Variants in EBF1 observed in about 807,000 individuals in gnomAD.
EBF1 encodes transcription factor COE1.
EBF1 carries 10 observed loss-of-function variants against 68.4 expected under a neutral mutation model. The observed-to-expected ratio is 0.15, with a 90% CI of 0.09 to 0.25. The LOEUF (loss-of-function observed/expected upper bound fraction) is 0.25, where lower values mean the gene tolerates loss of function less well. Ranked by LOEUF, EBF1 falls within the 10% of genes least tolerant of loss-of-function variation. EBF1 has a pLI of 1.00. For synonymous variants in EBF1, 298 were observed against 299.8 expected (o/e 0.99, Z 0.06); for missense variants, 509 against 794.4 (o/e 0.64, Z 4.32).
chr5:159,024,781 T>C (rs1025702633), intron 6 of EBF1, among the ~76,000 whole-genome samples: 3 of 152,168 alleles, frequency 2.0e-5, no homozygotes, highest in African/African-American at 7.2e-5. Context: ...TAAGTAAGAG[T>C]GACCACTAAC....
chr5:158,983,867 C>A (rs1410073484), intron 6 of EBF1: 2 of 149,038 alleles, frequency 1.3e-5, no homozygotes, highest in African/African-American at 5.0e-5. Flanking sequence ...AGTACTTTAT[C>A]TGGGCAGATT....
chr5:158,954,020 A>G (rs185222592), intron 6 of EBF1, among the ~76,000 whole-genome samples: 61 of 152,326 alleles, frequency 4.0e-4, no homozygotes, highest in Non-Finnish European at 7.5e-4. Flanking sequence ...GATTTCACAC[A>G]ATGTTGTTAA....
intron 6 of EBF1, among the ~76,000 whole-genome samples, chr5:158,971,990 C>G (rs1755750958): frequency 6.6e-6 from 1 of 152,294 alleles, no homozygotes; most frequent in East Asian, 1.9e-4. Flanking sequence ...GAATAATAAA[C>G]TATTTCTTCC....
intron 12 of EBF1, 37 bp from the exon 13 acceptor site, chr5:158,713,184 C>T (rs1759838457): frequency 2.2e-6 from 3 of 1,364,030 alleles, no homozygotes; most frequent in East Asian, 2.7e-5. Context: ...CAGCTGCCCC[C>T]AGTCATATTC....
Position 159,051,428 on chromosome 5 carries a change from C to A in EBF1, c.554+21968G>T, listed in dbSNP as rs1171132574. 4.7e-3 allele frequency among the ~76,000 whole-genome samples: 622 copies of A among 132,378 alleles called. 14 individuals carry two copies. The highest frequency in any genetic ancestry group is 0.017 in the African/African-American group (585 of 34,870). 86.8% of individuals were successfully genotyped at this position (132,378 alleles called of 152,430 possible). ...TCCCTCCCCCTCCCCCCCGCTCCCG[C>A]AGCCCCCCACCCCCCCACCCCGCCG... is the stretch of plus-strand genomic sequence containing the variant. On this transcript the variant is annotated intron_variant, in intron 6 of 15. Transcript: ENST00000313708.
chr5:158,750,976 C>T (rs1768738002), intron 10 of EBF1, among the ~76,000 whole-genome samples: 3 of 151,980 alleles, frequency 2.0e-5, no homozygotes, highest in Non-Finnish European at 4.4e-5. Flanking sequence ...GGAGATGATG[C>T]AGCCTATTAA....
chr5:158,984,671 T>G (rs1207090733), intron 6 of EBF1: 1 of 149,912 alleles, frequency 6.7e-6, no homozygotes, highest in Non-Finnish European at 1.5e-5. Context: ...CTAACGACGC[T>G]GCTTTCTTCC....
In EBF1 at chr5:158,696,572, A is replaced by C; in HGVS notation, c.*2539T>G. On this transcript the variant is annotated 3_prime_UTR_variant, in exon 16 of 16. Coordinates refer to ENST00000313708, the MANE Select transcript of EBF1 (RefSeq NM_024007.5). Reference sequence around the variant, plus strand: ...CTTCAGGCCAGCGCTTACCACGCAAATTCAGATAACCTTTCTGAGTACCGA... The same window carrying C: ...CTTCAGGCCAGCGCTTACCACGCAACTTCAGATAACCTTTCTGAGTACCGA... The C allele has an allele frequency of 4.5e-6, 1 of 223,482 alleles. No individual in the cohort carries two copies. The highest frequency in any genetic ancestry group is 6.4e-5 in the East Asian group (1 of 15,682). The allele number at this position is 223,482 out of a possible 1,614,324, so 13.8% of individuals were successfully genotyped here. A position where few individuals can be genotyped will look rare whatever the true frequency, so the allele number is the denominator to read the frequency against.
intron 6 of EBF1, among the ~76,000 whole-genome samples, chr5:159,007,841 T>C (rs1763868448): frequency 6.6e-6 from 1 of 152,208 alleles, no homozygotes; most frequent in Admixed American, 6.5e-5. Context: ...TCTATTTGTT[T>C]AAACCAAAGT....
chr5:158,766,104 C>G (rs1468924296), intron 10 of EBF1, among the ~76,000 whole-genome samples: 2 of 152,134 alleles, frequency 1.3e-5, no homozygotes, highest in Non-Finnish European at 2.9e-5. Flanking sequence ...GTGCAGAAGT[C>G]AGTCAAGACA....
rs368401441 is a variant in EBF1, at chr5:159,044,850, T to G, written c.554+28546A>C. On this transcript the variant is annotated intron_variant, in intron 6 of 15. Transcript: ENST00000313708. ...TCTCATTCATGTATATTTGTATATT[T>G]CTAAAGTAACTTCTTAAGGATCACA... Among the ~76,000 whole-genome samples the G allele has an allele frequency of 2.0e-4, 31 of 152,322 alleles. No homozygotes were observed. In the East Asian group the frequency reaches 5.6e-3, roughly 27 times the overall value.
intron 5 of EBF1, among the ~76,000 whole-genome samples, chr5:159,075,060 G>A (rs1193105641): frequency 6.6e-6 from 1 of 152,160 alleles, no homozygotes; most frequent in Non-Finnish European, 1.5e-5. Flanking sequence ...ATAGTATAGT[G>A]GTTAAGAACA....
At chr5:159,002,578 C>A (rs1041218400) in intron 6 of EBF1, among the ~76,000 whole-genome samples, 3 of 152,140 alleles carry the variant, frequency 2.0e-5, no homozygotes, top group Non-Finnish European at 4.4e-5. Flanking sequence ...GTTTAAAAAT[C>A]CATAGGGCAT....
At chr5:158,700,265 G>T (rs1359183768) in intron 15 of EBF1, among the ~76,000 whole-genome samples, 1 of 152,226 alleles carries the variant, frequency 6.6e-6, no homozygotes, top group Non-Finnish European at 1.5e-5. Flanking sequence ...AGAATAAAAG[G>T]ATAACTAAGA....
intron 6 of EBF1, among the ~76,000 whole-genome samples, chr5:158,947,442 G>A (rs1398775213): frequency 1.3e-5 from 2 of 152,218 alleles, no homozygotes; most frequent in Non-Finnish European, 2.9e-5. Context: ...TTGGCTAGGG[G>A]AGGGAGTTTC....
At chr5:158,786,293 A>G (rs929466164) in intron 9 of EBF1, among the ~76,000 whole-genome samples, 4 of 152,250 alleles carry the variant, frequency 2.6e-5, no homozygotes, top group Non-Finnish European at 5.9e-5. Flanking sequence ...TTAATTGTAC[A>G]AAACAAAATG....
chr5:158,922,609 G>A (rs1055563563), intron 6 of EBF1, among the ~76,000 whole-genome samples: 1 of 152,148 alleles, frequency 6.6e-6, no homozygotes, highest in Non-Finnish European at 1.5e-5. Context: ...AGATCTAAGG[G>A]TTGGAAAAGT....
chr5:158,915,219 C>T (rs972115198), intron 6 of EBF1, among the ~76,000 whole-genome samples: 9 of 152,116 alleles, frequency 5.9e-5, no homozygotes, highest in South Asian at 2.1e-4. Context: ...CCTCGGAGGG[C>T]GATGGGCAGC....
chr5:158,791,579 CTTTT>C (rs11388240), intron 9 of EBF1, among the ~76,000 whole-genome samples: 1 of 147,938 alleles, frequency 6.8e-6, no homozygotes, highest in Admixed American at 6.8e-5. Flanking sequence ...CACCATTGTA[CTTTT>C]TTTTTTAATT....
Sources: gnomAD v4.1 joint callset for allele counts (sites outside exome capture counted in the v4.1 genomes callset) on GRCh38, gnomAD v4.1.1 for gene constraint, MANE v1.5 for transcripts, NCBI Gene and HGNC (gene_info 2026-07-23, HGNC 2026-07-21) for gene names.